Variants in RICTOR observed in about 807,000 individuals in gnomAD.
The protein encoded by RICTOR is RPTOR independent companion of MTOR complex 2, also known as rapamycin-insensitive companion of mTOR.
Under a neutral mutation model 214.9 loss-of-function variants are expected in RICTOR, and 49 were observed. That is an observed-to-expected ratio of 0.23 (90% CI 0.18 to 0.29). The LOEUF (loss-of-function observed/expected upper bound fraction) is 0.29. Among genes scored for constraint, RICTOR ranks in the 10% least tolerant of loss-of-function variants. The pLI, the probability that RICTOR is intolerant of heterozygous loss-of-function variation, is 1.00. For synonymous variants in RICTOR, 717 were observed against 711.3 expected, an observed-to-expected ratio of 1.01 and a Z score of -0.13; for missense variants, 1,625 against 2,047.0, an observed-to-expected ratio of 0.79 and a Z score of 3.98.
intron 2 of RICTOR, among the ~76,000 whole-genome samples, chr5:39,040,624 A>C (rs1312276662): frequency 6.6e-6 from 1 of 152,068 alleles, no homozygotes; most frequent in Non-Finnish European, 1.5e-5. Context: ...TTTTCAAAAA[A>C]GTTGTTAACA....
intron 32 of RICTOR, among the ~76,000 whole-genome samples, chr5:38,947,007 A>G (rs1748282912): frequency 6.6e-6 from 1 of 152,142 alleles, no homozygotes. Context: ...TATATGGATA[A>G]AGAAATCAAA....
intron 2 of RICTOR, among the ~76,000 whole-genome samples, chr5:39,071,593 A>C (rs1182397324): frequency 6.6e-6 from 1 of 152,214 alleles, no homozygotes; most frequent in Non-Finnish European, 1.5e-5. Context: ...AAATGAAGAA[A>C]TCAGGGGTAA....
At chr5:38,986,296 T>C (rs992607216) in intron 7 of RICTOR, among the ~76,000 whole-genome samples, 2 of 152,206 alleles carry the variant, frequency 1.3e-5, no homozygotes, top group African/African-American at 4.8e-5. Context: ...GTAAGTTTCC[T>C]GAGGCCTCTC....
chr5:38,957,715 T>G lies in RICTOR; in HGVS notation c.2436A>C (p.Pro812=), dbSNP rs1749393345. The G allele has an allele frequency of 6.3e-7, 1 of 1,583,530 alleles. No individual in the cohort carries two copies. The highest frequency in any genetic ancestry group is 1.4e-5 in the African/African-American group (1 of 73,866). Residue 812 remains proline, a synonymous_variant, in exon 25 of 38, where the codon CCA becomes CCC. Transcript: ENST00000357387. ...LLLLLRFLSI[P]KGFSYLNERG... is the part of the protein sequence containing the mutation. ...TTTCATTCAGATAGGAAAATCCTTT[T>G]GGAATGGAGAGAAATCTGCAAATTA... is the stretch of plus-strand genomic sequence containing the variant.
rs1747665003 is a variant in RICTOR, at chr5:38,942,391, T to C, written c.5053-13A>G. On this transcript the variant is annotated splice_polypyrimidine_tract_variant and intron_variant, in intron 37 of 37. Coordinates refer to ENST00000357387, the MANE Select transcript of RICTOR (RefSeq NM_152756.5). ...CTTCTTCATGCATCTAGGGAAAAAA[T>C]GGTGTATCATCAATTACTTTTATAA... 1 of 1,538,790 alleles carries C rather than the reference T, an allele frequency of 6.5e-7. No individual in the cohort carries two copies. The highest frequency in any genetic ancestry group is 1.2e-5 in the South Asian group (1 of 83,696).
chr5:38,980,844 T>G (rs1348956224), intron 8 of RICTOR: 1 of 152,062 alleles, frequency 6.6e-6, no homozygotes, highest in Admixed American at 6.6e-5. Flanking sequence ...AGACCCCATC[T>G]CAAAACAAAA....
intron 2 of RICTOR, among the ~76,000 whole-genome samples, chr5:39,060,287 A>T (rs1446621028): frequency 6.6e-6 from 1 of 152,076 alleles, no homozygotes; most frequent in Non-Finnish European, 1.5e-5. Flanking sequence ...AAGTTTATTC[A>T]CATGTTATGC....
Position 39,002,685 on chromosome 5 carries a change from A to T in RICTOR, c.261-19T>A, listed in dbSNP as rs747411814. 6.3e-7 allele frequency: 1 copy of T among 1,584,594 alleles called. No homozygotes were observed. The highest frequency in any genetic ancestry group is 1.2e-5 in the South Asian group (1 of 85,626). On this transcript the variant is annotated intron_variant, in intron 4 of 37. Coordinates refer to ENST00000357387, the MANE Select transcript of RICTOR (RefSeq NM_152756.5). Reference sequence around the variant, plus strand: ...CCGCAAACTGTATGAAAACAAACAAAATACAAGTTTTGCTGCACAGGTTTC... The same window carrying T: ...CCGCAAACTGTATGAAAACAAACAATATACAAGTTTTGCTGCACAGGTTTC...
At chr5:38,994,451 A>AAAAAAAAAAAAAGG (rs1304761708) in intron 6 of RICTOR, among the ~76,000 whole-genome samples, 1 of 101,546 alleles carries the variant, frequency 9.8e-6, no homozygotes, top group Non-Finnish European at 1.9e-5. Flanking sequence ...AAAAAAAAAA[A>AAAAAAAAAAAAAGG]AGTGCTTCAG....
chr5:38,946,240 T>C (rs1390317164), intron 33 of RICTOR, among the ~76,000 whole-genome samples: 1 of 152,216 alleles, frequency 6.6e-6, no homozygotes, highest in Non-Finnish European at 1.5e-5. Flanking sequence ...TTGGTTTCTA[T>C]TTCCTTGAAA....
At chr5:38,994,419 TAAAAAAAAAAAA>T (rs869254811) in intron 6 of RICTOR, among the ~76,000 whole-genome samples, 5 of 57,158 alleles carry the variant, frequency 8.7e-5, no homozygotes, top group South Asian at 7.8e-4. Flanking sequence ...AAGGTTTTAC[TAAAAAAAAAAAA>T]AAAAAAAAAA....
intron 3 of RICTOR, among the ~76,000 whole-genome samples, chr5:39,014,763 G>A (rs1019289110): frequency 5.3e-5 from 8 of 152,110 alleles, no homozygotes; most frequent in African/African-American, 1.9e-4. Context: ...ATGGGTGTGT[G>A]ACATTCACAT....
intron 2 of RICTOR, among the ~76,000 whole-genome samples, chr5:39,050,822 A>G (rs1166644531): frequency 1.3e-5 from 2 of 152,180 alleles, no homozygotes; most frequent in Non-Finnish European, 2.9e-5. Flanking sequence ...ATTGTCCCAT[A>G]TGTTTATAAT....
chr5:39,064,011 C>T (rs16868054), intron 2 of RICTOR, among the ~76,000 whole-genome samples: 5,654 of 152,168 alleles, frequency 0.037, 182 homozygotes, highest in South Asian at 0.082. Flanking sequence ...GTACATTGCT[C>T]AGTTTACGCA....
intron 7 of RICTOR, 96 bp downstream of exon 7, chr5:38,990,851 GAT>G (rs869273219): frequency 4.5e-6 from 2 of 449,340 alleles, no homozygotes; most frequent in Admixed American, 4.2e-5. Flanking sequence ...TGAGATATAT[GAT>G]ATATATATGA....
At chr5:38,987,469 T>C (rs1752260393) in intron 7 of RICTOR, among the ~76,000 whole-genome samples, 1 of 152,210 alleles carries the variant, frequency 6.6e-6, no homozygotes, top group Admixed American at 6.5e-5. Flanking sequence ...AATTTATCCA[T>C]TTATTCGAGA....
rs1747625115 is a variant in RICTOR, at chr5:38,942,043, T to C, written c.*261A>G. The C allele has an allele frequency of 2.9e-6, 1 of 342,808 alleles. No individual in the cohort carries two copies. The highest frequency in any genetic ancestry group is 5.3e-6 in the Non-Finnish European group (1 of 189,898). 21.2% of individuals were successfully genotyped at this position (342,808 alleles called of 1,614,324 possible). ...TATGTAGGTATTCAGTGCTTGGCTC[T>C]TGCATACAATGGTAACTGAAACTCT... On this transcript the variant is annotated 3_prime_UTR_variant, in exon 38 of 38. Coordinates refer to ENST00000357387, the MANE Select transcript of RICTOR (RefSeq NM_152756.5).
chr5:38,985,616 T>C (rs569671734), intron 7 of RICTOR, among the ~76,000 whole-genome samples: 1 of 152,296 alleles, frequency 6.6e-6, no homozygotes, highest in Non-Finnish European at 1.5e-5. Context: ...CTTCCAATGA[T>C]CAGATAAATA....
chr5:39,046,528 C>T (rs1237950447), intron 2 of RICTOR, among the ~76,000 whole-genome samples: 1 of 150,804 alleles, frequency 6.6e-6, no homozygotes, highest in Non-Finnish European at 1.5e-5. Context: ...GTGTTTAAGG[C>T]CATCATTCAA....
Sources: allele counts gnomAD v4.1 joint callset (sites outside exome capture counted in the v4.1 genomes callset), GRCh38; gene constraint gnomAD v4.1.1; transcripts MANE v1.5; gene names NCBI Gene and HGNC (gene_info 2026-07-23, HGNC 2026-07-21).